PTBP3: variants seen among roughly 807,000 people sequenced by gnomAD.
PTBP3 encodes polypyrimidine tract binding protein 3.
A neutral mutation model predicts 58.7 loss-of-function variants in PTBP3; 20 were observed. That is an observed-to-expected ratio of 0.34 (90% CI 0.24 to 0.50). The LOEUF (loss-of-function observed/expected upper bound fraction) is 0.50, where lower values mean the gene tolerates loss of function less well. Ranked by LOEUF, PTBP3 falls within the 20% of genes least tolerant of loss-of-function variation. The pLI, the probability that PTBP3 is intolerant of heterozygous loss-of-function variation, is 0.98. For synonymous variants in PTBP3, 185 were observed against 219.8 expected (o/e 0.84, Z 1.40); for missense variants, 509 against 637.2 (o/e 0.80, Z 2.17).
At chr9:112,281,303 C>G (rs1330251536) in intron 2 of PTBP3, 1 of 173,188 alleles carries the variant, frequency 5.8e-6, no homozygotes. Context: ...GCTTACAATA[C>G]TTTTCCTTGA....
In PTBP3 at chr9:112,220,185, C is replaced by CA. The variant is rs1303290840; in HGVS notation, c.*3665dup. On this transcript the variant is annotated 3_prime_UTR_variant, in exon 14 of 14. Transcript: ENST00000374257. ...CATGTACTTTTGTCAATTTTTTGTC[C>CA]AAAAATATCTCGTGGGAACAGAAGA... is the stretch of plus-strand genomic sequence containing the variant. 1.5e-6 allele frequency: 2 copies of CA among 1,340,502 alleles called. No individual in the cohort carries two copies. The highest frequency in any genetic ancestry group is 3.0e-5 in the African/African-American group (2 of 67,494). 83.0% of individuals were successfully genotyped at this position (1,340,502 alleles called of 1,614,324 possible).
chr9:112,305,530 TG>T (rs1446264545), intron 1 of PTBP3, among the ~76,000 whole-genome samples: 1 of 152,198 alleles, frequency 6.6e-6, no homozygotes, highest in Admixed American at 6.5e-5. Context: ...ACACTGATGC[TG>T]GGGAAGTAAT....
intron 12 of PTBP3, 65 bp from the exon 13 acceptor site, chr9:112,224,275 T>TG (rs1199845074): frequency 1.9e-5 from 19 of 977,752 alleles, no homozygotes; most frequent in Admixed American, 2.7e-5. Flanking sequence ...GATTAACTCT[T>TG]GCAATCATCA....
chr9:112,223,710 T>G lies in PTBP3; in HGVS notation c.*141A>C. The stretch of plus-strand genomic sequence containing the variant: ...GGGAATACAAAAAAAAAAAATCCCT[T>G]GATTTTTAAAATATACTTGAATATC... On this transcript the variant is annotated 3_prime_UTR_variant, in exon 14 of 14. Transcript: ENST00000374257. The G allele has an allele frequency of 7.3e-7, 1 of 1,367,482 alleles. No homozygotes were observed. The highest frequency in any genetic ancestry group is 9.4e-7 in the Non-Finnish European group (1 of 1,063,492). 84.7% of individuals were successfully genotyped at this position (1,367,482 alleles called of 1,614,324 possible).
chr9:112,257,060 T>C (rs1463766987), intron 5 of PTBP3, among the ~76,000 whole-genome samples: 2 of 152,252 alleles, frequency 1.3e-5, no homozygotes, highest in Non-Finnish European at 2.9e-5. Context: ...ATTTTGTTAA[T>C]GTTTACATTC....
At chr9:112,339,290 CAAA>C in the PTBP3 span, among the ~76,000 whole-genome samples, 631 of 71,702 alleles carry the variant, frequency 8.8e-3, 4 homozygotes, top group African/African-American at 0.03. Context: ...GACTCTGTCT[CAAA>C]AAAAAAAAAA....
Position 112,221,652 on chromosome 9 carries a change from A to C in PTBP3, c.*2199T>G. 1.0e-6 allele frequency: 1 copy of C among 985,314 alleles called. No individual in the cohort carries two copies. Among genetic ancestry groups the C allele is most frequent in the Non-Finnish European group, 1.2e-6 (1 of 829,856 alleles). The allele number at this position is 985,314 out of a possible 1,614,324, so 61.0% of individuals were successfully genotyped here. On this transcript the variant is annotated 3_prime_UTR_variant, in exon 14 of 14. Transcript: ENST00000374257. ...TATTTCATAAGTAAAAAAACAAAAA[A>C]CTAAAAACTCCCACAACTACATACA...
At chr9:112,336,837 G>A (rs1216905646), upstream of PTBP3, among the ~76,000 whole-genome samples, 5 of 152,084 alleles carry the variant, frequency 3.3e-5, no homozygotes, top group South Asian at 2.1e-4. Flanking sequence ...CAATAATTCC[G>A]AGAAGTCTGC....
At chr9:112,242,872 A>G (rs1474856122) in intron 7 of PTBP3, 1 of 152,230 alleles carries the variant, frequency 6.6e-6, no homozygotes, top group Non-Finnish European at 1.5e-5. Context: ...ATCCATTTCA[A>G]TTTAATTTGT....
At chr9:112,348,730 C>G in the PTBP3 span, among the ~76,000 whole-genome samples, 1 of 152,234 alleles carries the variant, frequency 6.6e-6, no homozygotes, top group Non-Finnish European at 1.5e-5. Context: ...TAAAACTTGC[C>G]TCCGTCTCTC....
intron 5 of PTBP3, among the ~76,000 whole-genome samples, chr9:112,253,459 C>A (rs1400880287): frequency 2.0e-5 from 3 of 152,118 alleles, no homozygotes; most frequent in African/African-American, 7.2e-5. Flanking sequence ...AATATCCTCA[C>A]AATACGTGTG....
At chr9:112,233,052 T>C (rs1225675073) in intron 8 of PTBP3, among the ~76,000 whole-genome samples, 2 of 151,982 alleles carry the variant, frequency 1.3e-5, no homozygotes, top group Admixed American at 6.6e-5. Flanking sequence ...CAGCCTATTC[T>C]GCTTGATAAT....
chr9:112,257,848 G>A (rs1372861501), intron 5 of PTBP3, among the ~76,000 whole-genome samples: 1 of 151,358 alleles, frequency 6.6e-6, no homozygotes, highest in East Asian at 1.9e-4. Context: ...GCTGAGGCAG[G>A]AGAATTGCTT....
the PTBP3 span, among the ~76,000 whole-genome samples, chr9:112,349,520 G>A: frequency 6.6e-6 from 1 of 151,964 alleles, no homozygotes; most frequent in Admixed American, 6.6e-5. Context: ...CTGTGTTATG[G>A]GACTTGAACC....
chr9:112,302,708 C>T (rs1177080076), intron 1 of PTBP3, among the ~76,000 whole-genome samples: 2 of 150,080 alleles, frequency 1.3e-5, no homozygotes, highest in South Asian at 2.1e-4. Flanking sequence ...CGTGTCTCAG[C>T]CTCCTGAGCA....
intron 1 of PTBP3, chr9:112,332,938 G>A: frequency 1.3e-6 from 2 of 1,516,108 alleles, no homozygotes; most frequent in Non-Finnish European, 1.8e-6. Flanking sequence ...GCGGCCCTGG[G>A]ACCCCGCGTG....
intron 7 of PTBP3, among the ~76,000 whole-genome samples, chr9:112,238,510 T>G (rs1325420766): frequency 2.0e-5 from 3 of 152,118 alleles, no homozygotes; most frequent in Non-Finnish European, 4.4e-5. Context: ...AGGGGGAATA[T>G]ATGAAAGGAT....
At chr9:112,271,355 T>C (rs1297495990) in intron 3 of PTBP3, among the ~76,000 whole-genome samples, 2 of 152,200 alleles carry the variant, frequency 1.3e-5, no homozygotes, top group African/African-American at 4.8e-5. Context: ...AGCATTTCCT[T>C]TGACTGTTAT....
chr9:112,362,894 G>T, the PTBP3 span: 1 of 300,386 alleles, frequency 3.3e-6, no homozygotes. Context: ...TTATAGAGAA[G>T]CAATGAAAAC....
Sources: gnomAD v4.1 joint callset for allele counts (sites outside exome capture counted in the v4.1 genomes callset) on GRCh38, gnomAD v4.1.1 for gene constraint, MANE v1.5 for transcripts, NCBI Gene and HGNC (gene_info 2026-07-23, HGNC 2026-07-21) for gene names.